LPP: variants seen among roughly 807,000 people sequenced by gnomAD.
The protein encoded by LPP is LIM domain containing preferred translocation partner in lipoma, also known as lipoma-preferred partner.
Under a neutral mutation model 60.4 loss-of-function variants are expected in LPP, and 38 were observed. The ratio of observed to expected loss-of-function variants is 0.63; its 90% CI spans 0.49 to 0.83. LPP has a LOEUF of 0.83. Ranked by LOEUF, LPP falls within the 40% of genes least tolerant of loss-of-function variation. The pLI, the probability that LPP is intolerant of heterozygous loss-of-function variation, is 0.00. For missense variants in LPP, 902 were observed against 783.6 expected (o/e 1.15, Z -1.80); for synonymous variants, 328 against 290.8 (o/e 1.13, Z -1.30).
rs913299706 is a variant in LPP at position 188,878,014 on chromosome 3, T to G, written c.*3535T>G. 1 of 217,486 alleles carries G rather than the reference T, an allele frequency of 4.6e-6. No individual in the cohort carries two copies. Among genetic ancestry groups the G allele is most frequent in the Non-Finnish European group, 9.3e-6 (1 of 107,754 alleles). The allele number at this position is 217,486 out of a possible 1,614,324, so 13.5% of individuals were successfully genotyped here. A position where few individuals can be genotyped will look rare whatever the true frequency, so the allele number is the denominator to read the frequency against. ...TGGTGAGGTTTAAAGGATATGAAAC[T>G]CTACATTTAAACAAGTATTTTATAT... On this transcript the variant is annotated 3_prime_UTR_variant, in exon 12 of 12. Transcript: ENST00000617246.
intron 5 of LPP, among the ~76,000 whole-genome samples, chr3:188,523,860 C>T (rs555521726): frequency 6.6e-6 from 1 of 152,022 alleles, no homozygotes; most frequent in African/African-American, 2.4e-5. Context: ...TATTTTTTTA[C>T]TTCACCCTGC....
chr3:188,755,532 A>G (rs1016435169), intron 8 of LPP, among the ~76,000 whole-genome samples: 1 of 152,226 alleles, frequency 6.6e-6, no homozygotes, highest in African/African-American at 2.4e-5. Flanking sequence ...AGCCTGGTGC[A>G]GTGGTTCATG....
chr3:188,692,628 T>G (rs1371614620), intron 7 of LPP, among the ~76,000 whole-genome samples: 1 of 152,236 alleles, frequency 6.6e-6, no homozygotes, highest in Admixed American at 6.5e-5. Context: ...ATGGACATTT[T>G]TGTGTGTCTA....
At chr3:188,223,104 C>T (rs1716417675) in intron 1 of LPP, among the ~76,000 whole-genome samples, 1 of 152,128 alleles carries the variant, frequency 6.6e-6, no homozygotes, top group Admixed American at 6.6e-5. Context: ...TTTGGGAATT[C>T]GGTGCTTCAG....
intron 3 of LPP, among the ~76,000 whole-genome samples, chr3:188,403,704 T>C (rs1021209788): frequency 2.6e-5 from 4 of 152,176 alleles, no homozygotes; most frequent in African/African-American, 9.7e-5. Flanking sequence ...TCTGAAGTTA[T>C]TCCAAATGAA....
chr3:188,484,539 T>A, intron 4 of LPP, 53 bp from the exon 5 acceptor site: 3 of 1,249,432 alleles, frequency 2.4e-6, no homozygotes, highest in Non-Finnish European at 3.5e-6. Flanking sequence ...ATATCACGAG[T>A]ACTATAACGT....
Position 188,610,832 on chromosome 3 carries a change from A to G in LPP, c.1113+988A>G, listed in dbSNP as rs1407250197. Among the ~76,000 whole-genome samples, 1 of 152,178 alleles carries G rather than the reference A, an allele frequency of 6.6e-6. No individual in the cohort carries two copies. The highest frequency in any genetic ancestry group is 1.5e-5 in the Non-Finnish European group (1 of 68,032). The stretch of plus-strand genomic sequence containing the variant: ...AGAGGAACTGAGCCAGTTTCCAGCC[A>G]CTTGGGTTGGAAGAGTGCCCTTGCT... On this transcript the variant is annotated intron_variant, in intron 7 of 11. Transcript: ENST00000617246. The surrounding 1 kb of genome is among the most constrained non-coding windows in gnomAD (Gnocchi z 4.4).
intron 3 of LPP, among the ~76,000 whole-genome samples, chr3:188,347,592 G>A (rs1326496128): frequency 4.6e-5 from 7 of 151,994 alleles, no homozygotes; most frequent in Admixed American, 6.6e-5. Context: ...CCCTCCTCCC[G>A]GCCTACCCCC....
intron 6 of LPP, among the ~76,000 whole-genome samples, chr3:188,592,874 AG>A (rs1241435705): frequency 6.6e-6 from 1 of 152,078 alleles, no homozygotes; most frequent in African/African-American, 2.4e-5. Context: ...GTCTTACACG[AG>A]GGCTTGCCTA....
intron 5 of LPP, among the ~76,000 whole-genome samples, chr3:188,524,421 G>A (rs548576800): frequency 6.7e-4 from 102 of 152,116 alleles, no homozygotes; most frequent in Non-Finnish European, 1.2e-3. Context: ...CAACAACAAC[G>A]ACAAAACTGC....
intron 3 of LPP, among the ~76,000 whole-genome samples, chr3:188,373,117 T>C (rs1227536659): frequency 6.6e-6 from 1 of 152,138 alleles, no homozygotes; most frequent in African/African-American, 2.4e-5. Flanking sequence ...TGTTGGACAT[T>C]TGGGTTGGTT....
At chr3:188,265,357 G>T (rs1735121159) in intron 2 of LPP, among the ~76,000 whole-genome samples, 2 of 152,318 alleles carry the variant, frequency 1.3e-5, no homozygotes, top group South Asian at 4.1e-4. Context: ...AGTGAAAGAG[G>T]ACCCCTGTCT....
intron 2 of LPP, among the ~76,000 whole-genome samples, chr3:188,229,147 A>G (rs2149348411): frequency 6.6e-6 from 1 of 152,240 alleles, no homozygotes; most frequent in South Asian, 2.1e-4. Flanking sequence ...ATGTATTATT[A>G]TTTTTCACAT....
At chr3:188,365,707 T>C (rs1770936547) in intron 3 of LPP, among the ~76,000 whole-genome samples, 1 of 151,368 alleles carries the variant, frequency 6.6e-6, no homozygotes, top group African/African-American at 2.4e-5. Context: ...TTTTTTACTC[T>C]GTTGAATGTT....
At chr3:188,209,628 TG>T (rs1267897014) in intron 1 of LPP, among the ~76,000 whole-genome samples, 1 of 152,222 alleles carries the variant, frequency 6.6e-6, no homozygotes, top group East Asian at 1.9e-4. Context: ...GTTTTAGGTC[TG>T]GCAGGATCTG....
At chr3:188,515,198 G>T (rs73890551) in intron 5 of LPP, among the ~76,000 whole-genome samples, 2,977 of 152,178 alleles carry the variant, frequency 0.02, 97 homozygotes, top group African/African-American at 0.067. Context: ...ATCTCTTATG[G>T]GGGTTTAGTG....
chr3:188,844,880 G>A (rs936213589), intron 9 of LPP, among the ~76,000 whole-genome samples: 2 of 152,118 alleles, frequency 1.3e-5, no homozygotes, highest in East Asian at 3.9e-4. Flanking sequence ...GAGGATCTTA[G>A]GTAATACATA....
chr3:188,395,563 A>G (rs545404125), intron 3 of LPP, among the ~76,000 whole-genome samples: 2 of 152,224 alleles, frequency 1.3e-5, no homozygotes, highest in East Asian at 1.9e-4. Context: ...TTAAGATGAT[A>G]TGTAATTAGA....
At chr3:188,266,262 GA>G (rs1260965530) in intron 2 of LPP, among the ~76,000 whole-genome samples, 2 of 152,084 alleles carry the variant, frequency 1.3e-5, no homozygotes, top group Non-Finnish European at 2.9e-5. Flanking sequence ...ACATATCCCA[GA>G]AGTTTAATAC....
Sources: allele counts gnomAD v4.1 joint callset (sites outside exome capture counted in the v4.1 genomes callset), GRCh38; gene constraint gnomAD v4.1.1; non-coding constraint Gnocchi (gnomAD v3.1); transcripts MANE v1.5; gene names NCBI Gene and HGNC (gene_info 2026-07-23, HGNC 2026-07-21).